FUT9: variants seen among roughly 807,000 people sequenced by gnomAD.
FUT9 encodes the protein fucosyltransferase 9, also known as 4-galactosyl-N-acetylglucosaminide 3-alpha-L-fucosyltransferase 9.
In FUT9, 15 loss-of-function variants were observed where a neutral mutation model predicts 29.7. That is an observed-to-expected ratio of 0.51 (90% CI 0.34 to 0.78). The LOEUF (loss-of-function observed/expected upper bound fraction) is 0.78. FUT9 is among the 30% of genes least tolerant of loss of function. The pLI is 0.01. For synonymous variants in FUT9, 169 were observed against 153.7 expected (o/e 1.10, Z -0.74); for missense variants, 319 against 425.4 (o/e 0.75, Z 2.20).
rs956151855 is a variant in FUT9, at chr6:96,207,500, G to C, written c.*3265G>C. 2 of 166,978 alleles carry C rather than the reference G, an allele frequency of 1.2e-5. No homozygotes were observed. The highest frequency in any genetic ancestry group is 4.8e-5 in the African/African-American group (2 of 41,416). The allele number at this position is 166,978 out of a possible 1,614,324, so 10.3% of individuals were successfully genotyped here. A position where few individuals can be genotyped will look rare whatever the true frequency, so the allele number is the denominator to read the frequency against. On this transcript the variant is annotated 3_prime_UTR_variant, in exon 3 of 3. Coordinates refer to ENST00000302103, the MANE Select transcript of FUT9 (RefSeq NM_006581.4). ...ATTCGTTCTGGTTTAAATATTTTAG[G>C]AGTTGAGTTCAGCAGAAGGAAATGG...
At chr6:96,132,638 T>TA in intron 2 of FUT9, among the ~76,000 whole-genome samples, 1 of 152,248 alleles carries the variant, frequency 6.6e-6, no homozygotes, top group East Asian at 1.9e-4. Context: ...CAGACATTTA[T>TA]AGGTACTCAA....
At chr6:96,053,658 G>A (rs186725538) in intron 1 of FUT9, among the ~76,000 whole-genome samples, 122 of 152,182 alleles carry the variant, frequency 8.0e-4, no homozygotes, top group Non-Finnish European at 1.5e-3. Flanking sequence ...GCAGTGAGCC[G>A]AGATCGCACC....
chr6:96,047,158 C>T (rs1770577835), intron 1 of FUT9, among the ~76,000 whole-genome samples: 1 of 152,112 alleles, frequency 6.6e-6, no homozygotes, highest in South Asian at 2.1e-4. Flanking sequence ...ACAACATGTC[C>T]TCACAGTGTC....
At chr6:96,036,713 T>C (rs947241725) in intron 1 of FUT9, 3 of 151,912 alleles carry the variant, frequency 2.0e-5, no homozygotes, top group African/African-American at 4.8e-5. Context: ...TTAAAAACCA[T>C]TGCTGTGGTT....
chr6:96,121,197 A>G (rs1239637731), intron 2 of FUT9, among the ~76,000 whole-genome samples: 1 of 152,196 alleles, frequency 6.6e-6, no homozygotes, highest in African/African-American at 2.4e-5. Flanking sequence ...AAGACTACCT[A>G]TAATAGTGAC....
At position 96,208,357 on chromosome 6, in the gene FUT9, G is replaced by C. The variant is rs76183549; in HGVS notation, c.*4122G>C. The C allele has an allele frequency of 6.0e-6, 1 of 166,366 alleles. No homozygotes were observed. Among genetic ancestry groups the C allele is most frequent in the African/African-American group, 2.4e-5 (1 of 41,372 alleles). 10.3% of individuals were successfully genotyped at this position (166,366 alleles called of 1,614,324 possible). A position where few individuals can be genotyped will look rare whatever the true frequency, so the allele number is the denominator to read the frequency against. On this transcript the variant is annotated 3_prime_UTR_variant, in exon 3 of 3. Transcript: ENST00000302103. ...TTTGATCATATCTTTGAGTTCCCTT[G>C]AACTCTGATCTCATTTTGAGAAACA...
chr6:96,136,555 C>A (rs577679750), intron 2 of FUT9, among the ~76,000 whole-genome samples: 33 of 152,048 alleles, frequency 2.2e-4, no homozygotes, highest in African/African-American at 7.5e-4. Context: ...TTATAATAAA[C>A]ATTTTAATGT....
At chr6:96,175,918 G>A (rs1177024122) in intron 2 of FUT9, among the ~76,000 whole-genome samples, 1 of 152,198 alleles carries the variant, frequency 6.6e-6, no homozygotes, top group Non-Finnish European at 1.5e-5. Context: ...ATTCAGTAAG[G>A]AAGATCTGCT....
intron 2 of FUT9, among the ~76,000 whole-genome samples, chr6:96,198,378 T>C (rs188829359): frequency 6.6e-6 from 1 of 152,016 alleles, no homozygotes; most frequent in Non-Finnish European, 1.5e-5. Flanking sequence ...TTTGGTTTTT[T>C]GTTCTTGCAA....
intron 2 of FUT9, among the ~76,000 whole-genome samples, chr6:96,150,280 T>C (rs978003300): frequency 6.6e-6 from 1 of 152,170 alleles, no homozygotes; most frequent in African/African-American, 2.4e-5. Context: ...GGGAAGTCAT[T>C]GTAAACAAAG....
At chr6:96,079,469 T>C (rs1771199369) in intron 1 of FUT9, among the ~76,000 whole-genome samples, 1 of 152,290 alleles carries the variant, frequency 6.6e-6, no homozygotes, top group African/African-American at 2.4e-5. Context: ...CTGTTTCCCA[T>C]TCCCCTTGAG....
chr6:96,091,244 A>G (rs1180397393), intron 1 of FUT9, among the ~76,000 whole-genome samples: 1 of 152,084 alleles, frequency 6.6e-6, no homozygotes, highest in Admixed American at 6.6e-5. Context: ...TCTTCCCATA[A>G]ATGTTTAACC....
chr6:96,090,668 G>A (rs867727352), intron 1 of FUT9, among the ~76,000 whole-genome samples: 2 of 151,722 alleles, frequency 1.3e-5, no homozygotes, highest in African/African-American at 2.4e-5. Flanking sequence ...ATGAAAAAGC[G>A]ATGCAACTAT....
chr6:96,082,778 T>C (rs1420238540), intron 1 of FUT9, among the ~76,000 whole-genome samples: 1 of 152,024 alleles, frequency 6.6e-6, no homozygotes, highest in Non-Finnish European at 1.5e-5. Flanking sequence ...CTCAAAAACA[T>C]GTTATACTTC....
chr6:96,038,278 G>C (rs1005270429), intron 1 of FUT9, among the ~76,000 whole-genome samples: 1 of 152,058 alleles, frequency 6.6e-6, no homozygotes, highest in African/African-American at 2.4e-5. Context: ...ATCTTCTGTC[G>C]TATCTGGGTC....
At chr6:96,023,037 G>T (rs1047984454) in intron 1 of FUT9, among the ~76,000 whole-genome samples, 1 of 151,788 alleles carries the variant, frequency 6.6e-6, no homozygotes, top group Admixed American at 6.6e-5. Context: ...ATAGAGAGAA[G>T]GCCACAGCCT....
chr6:96,118,164 C>T lies in FUT9; in HGVS notation c.-9+4037C>T, dbSNP rs1462717573. On this transcript the variant is annotated intron_variant, in intron 2 of 2. Transcript: ENST00000302103. Reference sequence around the variant, plus strand: ...AGGTTGCAGTGAGCCAAGATTGCACCACTGCAGTCCAGCCTGGGCAAGAGA... The same window carrying T: ...AGGTTGCAGTGAGCCAAGATTGCACTACTGCAGTCCAGCCTGGGCAAGAGA... 6.7e-5 allele frequency among the ~76,000 whole-genome samples: 10 copies of T among 149,740 alleles called. 1 individual carries two copies. In the South Asian group the frequency reaches 2.1e-3, roughly 31 times the overall value.
intron 2 of FUT9, among the ~76,000 whole-genome samples, chr6:96,188,819 A>T (rs1273319014): frequency 6.6e-6 from 1 of 151,978 alleles, no homozygotes; most frequent in Non-Finnish European, 1.5e-5. Context: ...AACATTGGAA[A>T]TGCTGAATGG....
chr6:96,024,564 C>A (rs1770130524), intron 1 of FUT9, among the ~76,000 whole-genome samples: 1 of 151,640 alleles, frequency 6.6e-6, no homozygotes, highest in Non-Finnish European at 1.5e-5. Flanking sequence ...TGCTGTTTTT[C>A]TAGGGTATGG....
Sources: allele counts gnomAD v4.1 joint callset (sites outside exome capture counted in the v4.1 genomes callset), GRCh38; gene constraint gnomAD v4.1.1; transcripts MANE v1.5; gene names NCBI Gene and HGNC (gene_info 2026-07-23, HGNC 2026-07-21).